TMCC1: variants seen among roughly 807,000 people sequenced by gnomAD.
TMCC1 encodes transmembrane and coiled-coil domain family 1.
In TMCC1, 15 loss-of-function variants were observed where a neutral mutation model predicts 52.4. That is an observed-to-expected ratio of 0.29 (90% CI 0.19 to 0.44). TMCC1 has a LOEUF of 0.44. Among genes scored for constraint, TMCC1 ranks in the 20% least tolerant of loss-of-function variants. The probability of loss-of-function intolerance (pLI) is 1.00; values close to 1 mark genes in which losing one functional copy is unlikely to be tolerated. For synonymous variants in TMCC1, 279 were observed against 301.9 expected (o/e 0.92, Z 0.79); for missense variants, 503 against 806.0 (o/e 0.62, Z 4.55).
chr3:129,792,804 G>C (rs1355168750), intron 4 of TMCC1, among the ~76,000 whole-genome samples: 1 of 152,098 alleles, frequency 6.6e-6, no homozygotes, highest in Non-Finnish European at 1.5e-5. Flanking sequence ...ATGAAAAAAG[G>C]CTACATCTTT....
chr3:129,776,278 T>C (rs2055032127), intron 4 of TMCC1, among the ~76,000 whole-genome samples: 1 of 152,256 alleles, frequency 6.6e-6, no homozygotes, highest in Non-Finnish European at 1.5e-5. Context: ...TTTTCACTGC[T>C]ACACTTTATG....
At chr3:129,888,389 G>T (rs1462462785) in intron 1 of TMCC1, among the ~76,000 whole-genome samples, 3 of 152,170 alleles carry the variant, frequency 2.0e-5, no homozygotes, top group Non-Finnish European at 4.4e-5. Context: ...AGAGGGCCTA[G>T]AAGATACAAC....
chr3:129,725,761 C>T (rs2050028469), intron 4 of TMCC1, among the ~76,000 whole-genome samples: 1 of 151,826 alleles, frequency 6.6e-6, no homozygotes, highest in Non-Finnish European at 1.5e-5. Context: ...AAACAGTGCC[C>T]AGAATGGTGG....
intron 4 of TMCC1, among the ~76,000 whole-genome samples, chr3:129,774,557 G>A (rs2054871294): frequency 6.6e-6 from 1 of 152,170 alleles, no homozygotes; most frequent in Admixed American, 6.6e-5. Flanking sequence ...CAGTATCATG[G>A]TTGGAACTAA....
At chr3:129,701,621 G>A (rs2047844313) in intron 4 of TMCC1, among the ~76,000 whole-genome samples, 1 of 152,190 alleles carries the variant, frequency 6.6e-6, no homozygotes, top group African/African-American at 2.4e-5. Flanking sequence ...GGGCAAGAGA[G>A]GCTTTTGTTT....
intron 4 of TMCC1, among the ~76,000 whole-genome samples, chr3:129,796,928 T>C (rs1410611489): frequency 6.6e-6 from 1 of 152,212 alleles, no homozygotes; most frequent in East Asian, 1.9e-4. Context: ...AAAATGAATT[T>C]GAAAAGACAG....
chr3:129,781,473 T>C (rs187129306), intron 4 of TMCC1, among the ~76,000 whole-genome samples: 150 of 152,232 alleles, frequency 9.9e-4, no homozygotes, highest in African/African-American at 3.5e-3. Flanking sequence ...ACCTTCCCCC[T>C]CTTTCAGCTC....
intron 4 of TMCC1, among the ~76,000 whole-genome samples, chr3:129,679,412 T>G (rs893541815): frequency 6.6e-6 from 1 of 152,160 alleles, no homozygotes; most frequent in Non-Finnish European, 1.5e-5. Flanking sequence ...TTTAAGTGAT[T>G]CTTCTGCCTC....
At chr3:129,870,048 T>C (rs181600030) in intron 2 of TMCC1, among the ~76,000 whole-genome samples, 1 of 152,298 alleles carries the variant, frequency 6.6e-6, no homozygotes, top group African/African-American at 2.4e-5. Context: ...TAGTGTAAAA[T>C]TATAAACTTT....
At chr3:129,739,110 C>T (rs1335271958) in intron 4 of TMCC1, among the ~76,000 whole-genome samples, 1 of 152,152 alleles carries the variant, frequency 6.6e-6, no homozygotes, top group African/African-American at 2.4e-5. Flanking sequence ...AGCCACCATG[C>T]CCAGCCTAAC....
intron 4 of TMCC1, among the ~76,000 whole-genome samples, chr3:129,777,129 G>C (rs929751526): frequency 2.0e-5 from 3 of 152,180 alleles, no homozygotes; most frequent in Non-Finnish European, 4.4e-5. Context: ...TCTTCTCTAA[G>C]TGTGATTTGG....
At chr3:129,786,171 C>T (rs1462931918) in intron 4 of TMCC1, among the ~76,000 whole-genome samples, 1 of 152,070 alleles carries the variant, frequency 6.6e-6, no homozygotes, top group Non-Finnish European at 1.5e-5. Flanking sequence ...AATTCCTGGC[C>T]TCAAGTGATT....
At chr3:129,809,508 C>T (rs55668409) in intron 4 of TMCC1, among the ~76,000 whole-genome samples, 2,354 of 152,170 alleles carry the variant, frequency 0.015, 46 homozygotes, top group African/African-American at 0.054. Context: ...TAAAGCCACA[C>T]AATTCAGCCT....
chr3:129,797,250 C>T (rs919755266), intron 4 of TMCC1, among the ~76,000 whole-genome samples: 15 of 151,520 alleles, frequency 9.9e-5, no homozygotes, highest in South Asian at 4.2e-4. Flanking sequence ...GGCATGAATC[C>T]GGGAAGCGGA....
At chr3:129,678,605 C>A (rs1285397381) in intron 4 of TMCC1, among the ~76,000 whole-genome samples, 1 of 151,964 alleles carries the variant, frequency 6.6e-6, no homozygotes, top group African/African-American at 2.4e-5. Flanking sequence ...CATGATCCAC[C>A]CGCCTCAGCC....
At chr3:129,677,050 G>A (rs1009271834) in intron 4 of TMCC1, among the ~76,000 whole-genome samples, 1 of 151,700 alleles carries the variant, frequency 6.6e-6, no homozygotes, top group African/African-American at 2.4e-5. Flanking sequence ...GATCACTTGC[G>A]CTCAGGAGTT....
chr3:129,721,035 A>T (rs1262523599), intron 4 of TMCC1, among the ~76,000 whole-genome samples: 1 of 152,124 alleles, frequency 6.6e-6, no homozygotes, highest in Admixed American at 6.5e-5. Context: ...AGCAATAGAT[A>T]ACTGATACAC....
In TMCC1 at chr3:129,714,642, C is replaced by T. The variant is rs911863841; in HGVS notation, c.577-43378G>A. ...AGAAAAGATCTTTTCCTTGAAGTTG[C>T]AATCAGGGTATAATTAAAAAGATAC... On this transcript the variant is annotated intron_variant, in intron 4 of 6. Transcript: ENST00000393238. 7.9e-5 allele frequency among the ~76,000 whole-genome samples: 12 copies of T among 152,248 alleles called. No individual in the cohort carries two copies. The East Asian group carries it at 2.3e-3, about 29-fold the overall frequency.
chr3:129,738,981 T>A lies in TMCC1; in HGVS notation c.577-67717A>T, dbSNP rs1440989965. Among the ~76,000 whole-genome samples the A allele has an allele frequency of 2.0e-5, 3 of 151,978 alleles. No individual in the cohort carries two copies. In the East Asian group the frequency reaches 5.8e-4, roughly 29 times the overall value. The stretch of plus-strand genomic sequence containing the variant: ...ACAGGCACGCGCCACCACGCCCAGC[T>A]AATTTTTGTATTTTTTGTAGAGATG... On this transcript the variant is annotated intron_variant, in intron 4 of 6. Coordinates refer to ENST00000393238, the MANE Select transcript of TMCC1 (RefSeq NM_001017395.5).
Sources: gnomAD v4.1 joint callset for allele counts (sites outside exome capture counted in the v4.1 genomes callset) on GRCh38, gnomAD v4.1.1 for gene constraint, MANE v1.5 for transcripts, NCBI Gene and HGNC (gene_info 2026-07-23, HGNC 2026-07-21) for gene names.